The following LRRFIP2 variants were observed in gnomAD, a reference collection of about 807,000 sequenced individuals.
LRRFIP2 encodes the protein leucine-rich repeat flightless-interacting protein 2.
A neutral mutation model predicts 125.9 loss-of-function variants in LRRFIP2; 109 were observed. The ratio of observed to expected loss-of-function variants is 0.87; its 90% CI spans 0.74 to 1.01. LRRFIP2 has a LOEUF of 1.01. Ranked by LOEUF, LRRFIP2 falls within the 50% of genes least tolerant of loss-of-function variation. LRRFIP2 has a pLI of 0.00. For synonymous variants in LRRFIP2, 291 were observed against 293.1 expected (o/e 0.99, Z 0.07); for missense variants, 850 against 862.3 (o/e 0.99, Z 0.18).
chr3:37,112,593 C>T (rs2094592837), intron 8 of LRRFIP2, among the ~76,000 whole-genome samples: 1 of 152,030 alleles, frequency 6.6e-6, no homozygotes, highest in Admixed American at 6.6e-5. Context: ...AATACCACAA[C>T]TAAATCAATT....
chr3:37,131,152 G>A (rs1017281538), intron 2 of LRRFIP2, among the ~76,000 whole-genome samples: 9 of 152,112 alleles, frequency 5.9e-5, no homozygotes, highest in African/African-American at 2.2e-4. Flanking sequence ...CCATGGATTG[G>A]AGGGGTGGGG....
At chr3:37,100,811 A>G (rs552886565) in intron 15 of LRRFIP2, among the ~76,000 whole-genome samples, 84 of 152,186 alleles carry the variant, frequency 5.5e-4, no homozygotes, top group Middle Eastern at 3.2e-3. Context: ...ATAAAGGGCA[A>G]TATTTCAGGG....
chr3:37,103,303 A>C (rs895825655), intron 14 of LRRFIP2, among the ~76,000 whole-genome samples: 2 of 152,198 alleles, frequency 1.3e-5, no homozygotes, highest in Non-Finnish European at 2.9e-5. Context: ...CTCATGTTTA[A>C]GATATTTATC....
chr3:37,126,656 C>T (rs554388670), intron 4 of LRRFIP2, among the ~76,000 whole-genome samples: 5 of 151,756 alleles, frequency 3.3e-5, no homozygotes. Flanking sequence ...GTCAGTAGTT[C>T]GAGACCAGCC....
intron 24 of LRRFIP2, among the ~76,000 whole-genome samples, chr3:37,059,183 C>T (rs2087792470): frequency 1.3e-5 from 2 of 152,052 alleles, no homozygotes; most frequent in South Asian, 4.2e-4. Flanking sequence ...TGGAACAGTA[C>T]ATCTTTGGGG....
chr3:37,108,675 A>C lies in LRRFIP2; in HGVS notation c.619T>G (p.Tyr207Asp), dbSNP rs1325285845. Reference sequence around the variant, plus strand: ...TAAGGGTTATATAATCCACCATTGTACAATGATGCCTAAGGAACAAAGGAA... The same window carrying C: ...TAAGGGTTATATAATCCACCATTGTCCAATGATGCCTAAGGAACAAAGGAA... The part of the protein sequence containing the change: ...LLRSASLASL[Y>D]NGGLYNPYGP... The change falls in exon 12 of 28, where the codon TAC becomes GAC. Residue 207 changes from tyrosine to aspartate, a missense_variant. Transcript: ENST00000336686. The C allele has an allele frequency of 1.2e-6, 2 of 1,609,714 alleles. No homozygotes were observed. The highest frequency in any genetic ancestry group is 4.5e-5 in the East Asian group (2 of 44,812).
rs2093070616 is a variant in LRRFIP2, at chr3:37,086,695, G to A, written c.1108-2889C>T. On this transcript the variant is annotated intron_variant, in intron 18 of 27. Transcript: ENST00000336686. ...CTACAGAGACAGAAAGTTAGTGATTGGGGTTTCTTTTCTGGCTGATGAAAA... is the reference window on the plus strand; with the variant it reads ...CTACAGAGACAGAAAGTTAGTGATTAGGGTTTCTTTTCTGGCTGATGAAAA... Among the ~76,000 whole-genome samples the A allele has an allele frequency of 5.3e-5, 8 of 152,202 alleles. No homozygotes were observed. The South Asian group carries it at 1.7e-3, about 32-fold the overall frequency.
intron 24 of LRRFIP2, among the ~76,000 whole-genome samples, chr3:37,062,459 A>G (rs1433698385): frequency 6.6e-6 from 1 of 152,198 alleles, no homozygotes; most frequent in African/African-American, 2.4e-5. Flanking sequence ...GAACTAAAGG[A>G]TGGGAGCTCC....
chr3:37,170,148 T>C (rs2096565439), intron 1 of LRRFIP2, among the ~76,000 whole-genome samples: 1 of 152,180 alleles, frequency 6.6e-6, no homozygotes, highest in Admixed American at 6.6e-5. Context: ...AAAGGAAAAC[T>C]AAATTTCCTC....
chr3:37,081,257 T>A lies in LRRFIP2; in HGVS notation c.1278+2379A>T, dbSNP rs534276491. On this transcript the variant is annotated intron_variant, in intron 19 of 27. Coordinates refer to ENST00000336686, the MANE Select transcript of LRRFIP2 (RefSeq NM_006309.4). ...ACCCTGTCTGTAAAAACAATAAAAT[T>A]AAATTAAATTAAAATATAAAACAAA... Among the ~76,000 whole-genome samples, 10 of 152,148 alleles carry A rather than the reference T, an allele frequency of 6.6e-5. No homozygotes were observed. In the South Asian group the frequency reaches 1.7e-3, roughly 25 times the overall value.
chr3:37,098,388 C>CTTTTTTTTTTTTTTTTTTTTT (rs200770177), intron 15 of LRRFIP2, among the ~76,000 whole-genome samples: 1 of 142,946 alleles, frequency 7.0e-6, no homozygotes, highest in Admixed American at 7.0e-5. Context: ...AATTTTTTTT[C>CTTTTTTTTTTTTTTTTTTTTT]TTTTTTTTCT....
chr3:37,156,817 G>C (rs1293749681), intron 1 of LRRFIP2, among the ~76,000 whole-genome samples: 1 of 151,252 alleles, frequency 6.6e-6, no homozygotes, highest in African/African-American at 2.4e-5. Context: ...AGAATACCTA[G>C]TAGTTACATA....
At chr3:37,066,074 T>G in intron 22 of LRRFIP2, 132 bp from the exon 23 acceptor site, 2 of 1,354,202 alleles carry the variant, frequency 1.5e-6, no homozygotes, top group Non-Finnish European at 2.1e-6. Flanking sequence ...AATATAGCTC[T>G]GTGTAAGAAA....
chr3:37,175,189 T>C (rs1447025754), upstream of LRRFIP2: 2 of 152,240 alleles, frequency 1.3e-5, no homozygotes, highest in Non-Finnish European at 2.9e-5. Context: ...CTTGTTTCAT[T>C]ACTACATCCA....
Position 37,121,660 on chromosome 3 carries a change from C to T in LRRFIP2, c.260G>A (p.Arg87Gln), listed in dbSNP as rs556325161. The change falls in exon 5 of 28, where the codon CGG becomes CAG. Residue 87 changes from arginine to glutamine, a missense_variant. By Grantham distance (43) the Arg-to-Gln change is conservative. Transcript: ENST00000336686. ...EDSERARYSH[R>Q]SSHHRPYLGV... ...CAGATAAGGACGATGGTGACTGGAC[C>T]GGTGGGAATACCTGGCCCTTTCCGA... The T allele has an allele frequency of 7.4e-6, 12 of 1,614,062 alleles. No individual in the cohort carries two copies. The highest frequency in any genetic ancestry group is 2.7e-5 in the African/African-American group (2 of 75,006).
Position 37,149,134 on chromosome 3 carries a change from A to T in LRRFIP2, c.-55-96T>A. 5 of 942,422 alleles carry T rather than the reference A, an allele frequency of 5.3e-6. No individual in the cohort carries two copies. In the South Asian group the frequency reaches 8.4e-5, roughly 16 times the overall value. 58.4% of individuals were successfully genotyped at this position (942,422 alleles called of 1,614,324 possible). The stretch of plus-strand genomic sequence containing the variant: ...CTTTTAACAGAGAAATTAGTCACCA[A>T]ATACCTCTTCCCACTACCAAATTAT... On this transcript the variant is annotated intron_variant, in intron 1 of 27. Transcript: ENST00000336686.
Position 37,127,662 on chromosome 3 carries a change from C to A in LRRFIP2, c.196G>T (p.Asp66Tyr). The change falls in exon 4 of 28, where the codon GAT becomes TAT. Residue 66 changes from aspartate to tyrosine, a missense_variant. Asp to Tyr is a radical substitution (Grantham distance 160). Coordinates refer to ENST00000336686, the MANE Select transcript of LRRFIP2 (RefSeq NM_006309.4). ...TTCTGAATCTGTCCCCACTTCCGAT[C>A]AAAGGAATGAAGAGAGTACTAGAAA... is the stretch of plus-strand genomic sequence containing the variant. ...QQKEYSLHSF[D>Y]RKWGQIQKWL... The A allele has an allele frequency of 6.2e-7, 1 of 1,613,932 alleles. No homozygotes were observed. Among genetic ancestry groups the A allele is most frequent in the Admixed American group, 1.7e-5 (1 of 60,022 alleles).
chr3:37,154,309 G>A (rs2096120782), intron 1 of LRRFIP2, among the ~76,000 whole-genome samples: 1 of 152,172 alleles, frequency 6.6e-6, no homozygotes, highest in South Asian at 2.1e-4. Flanking sequence ...CATAGCCAGT[G>A]GGAAACTTTT....
chr3:37,128,759 G>A (rs2095352229), intron 3 of LRRFIP2, among the ~76,000 whole-genome samples: 1 of 152,018 alleles, frequency 6.6e-6, no homozygotes, highest in Non-Finnish European at 1.5e-5. Context: ...CAAATTTTAG[G>A]ACAATTAAAG....
Sources: gnomAD v4.1 joint callset for allele counts (sites outside exome capture counted in the v4.1 genomes callset) on GRCh38, gnomAD v4.1.1 for gene constraint, MANE v1.5 for transcripts, NCBI Gene and HGNC (gene_info 2026-07-23, HGNC 2026-07-21) for gene names.